The following CNTNAP2 variants were observed in gnomAD, a reference collection of about 807,000 sequenced individuals.
The protein encoded by CNTNAP2 is contactin associated protein 2.
CNTNAP2 carries 98 observed loss-of-function variants against 155.2 expected under a neutral mutation model. The observed-to-expected ratio is 0.63, with a 90% confidence interval of 0.54 to 0.75. The LOEUF (loss-of-function observed/expected upper bound fraction) is 0.75. CNTNAP2 is among the 30% of genes least tolerant of loss of function. The pLI is 0.00. For missense variants in CNTNAP2, 1,727 were observed against 1,688.1 expected (o/e 1.02, Z -0.40); for synonymous variants, 651 against 631.2 (o/e 1.03, Z -0.47).
chr7:147,126,998 A>G (rs1455991728), intron 6 of CNTNAP2, among the ~76,000 whole-genome samples: 1 of 152,162 alleles, frequency 6.6e-6, no homozygotes, highest in Non-Finnish European at 1.5e-5. Context: ...GAAAGGTCCG[A>G]ATTAAAGAAA....
intron 18 of CNTNAP2, among the ~76,000 whole-genome samples, chr7:148,201,270 G>A (rs1202905096): frequency 1.3e-5 from 2 of 152,182 alleles, no homozygotes; most frequent in Admixed American, 1.3e-4. Context: ...TCTTTGCTAG[G>A]AAGGCAAGAG....
At chr7:147,931,307 A>G (rs1182845973) in intron 14 of CNTNAP2, among the ~76,000 whole-genome samples, 1 of 151,832 alleles carries the variant, frequency 6.6e-6, no homozygotes. Flanking sequence ...AAATAAAATA[A>G]AAAATGGAAA....
At chr7:147,056,648 AG>A (rs1386142159) in intron 4 of CNTNAP2, among the ~76,000 whole-genome samples, 1 of 152,220 alleles carries the variant, frequency 6.6e-6, no homozygotes, top group African/African-American at 2.4e-5. Context: ...AACGAACAAA[AG>A]CAAGGTTAGT....
chr7:147,888,544 G>C (rs1482093627), intron 13 of CNTNAP2, among the ~76,000 whole-genome samples: 2 of 151,736 alleles, frequency 1.3e-5, no homozygotes, highest in Admixed American at 6.6e-5. Flanking sequence ...GGTGAATGAT[G>C]GCTAAAAATT....
intron 18 of CNTNAP2, among the ~76,000 whole-genome samples, chr7:148,188,168 G>T (rs575474908): frequency 3.3e-4 from 50 of 152,342 alleles, no homozygotes; most frequent in African/African-American, 1.1e-3. Flanking sequence ...CACCCAAAAT[G>T]ATTTCCTTTG....
At chr7:146,430,792 A>G (rs1796162692) in intron 1 of CNTNAP2, among the ~76,000 whole-genome samples, 1 of 152,090 alleles carries the variant, frequency 6.6e-6, no homozygotes, top group South Asian at 2.1e-4. Flanking sequence ...GTGTGTATAA[A>G]TCAATGATTA....
chr7:146,957,836 G>C (rs1029520312), intron 3 of CNTNAP2, among the ~76,000 whole-genome samples: 2 of 152,084 alleles, frequency 1.3e-5, no homozygotes, highest in African/African-American at 4.8e-5. Flanking sequence ...GGATTTATAT[G>C]GGTGTACATA....
chr7:146,220,967 T>G (rs1455504444), intron 1 of CNTNAP2, among the ~76,000 whole-genome samples: 1 of 152,236 alleles, frequency 6.6e-6, no homozygotes, highest in Non-Finnish European at 1.5e-5. Context: ...CAAAGTTTGA[T>G]TATACATTGT....
chr7:146,144,791 A>G (rs961621751), intron 1 of CNTNAP2, among the ~76,000 whole-genome samples: 1 of 152,074 alleles, frequency 6.6e-6, no homozygotes, highest in East Asian at 1.9e-4. Context: ...TGTACAACTA[A>G]TTTTTTCTTT....
intron 4 of CNTNAP2, among the ~76,000 whole-genome samples, chr7:147,098,884 G>C (rs1584841692): frequency 6.6e-6 from 1 of 152,210 alleles, no homozygotes; most frequent in Non-Finnish European, 1.5e-5. Flanking sequence ...GAGCATTGAA[G>C]TTATTTTATT....
At chr7:146,685,646 G>A (rs1040058338) in intron 1 of CNTNAP2, among the ~76,000 whole-genome samples, 9 of 152,098 alleles carry the variant, frequency 5.9e-5, no homozygotes, top group Middle Eastern at 3.4e-3. Context: ...ACAAGCCTAC[G>A]TAGTAATAAC....
intron 13 of CNTNAP2, among the ~76,000 whole-genome samples, chr7:147,772,778 C>T (rs1291219251): frequency 2.6e-5 from 4 of 151,988 alleles, no homozygotes; most frequent in African/African-American, 4.8e-5. Context: ...CTTCACATTG[C>T]CTTTAGAGAC....
At chr7:148,149,800 C>A (rs1478863463) in intron 17 of CNTNAP2, among the ~76,000 whole-genome samples, 4 of 152,090 alleles carry the variant, frequency 2.6e-5, no homozygotes, top group Non-Finnish European at 5.9e-5. Flanking sequence ...GATCCACCCA[C>A]CTCAGCCTCC....
chr7:146,683,745 G>A (rs1392116150), intron 1 of CNTNAP2, among the ~76,000 whole-genome samples: 1 of 152,126 alleles, frequency 6.6e-6, no homozygotes, highest in African/African-American at 2.4e-5. Flanking sequence ...CTCCTATTAA[G>A]ATATTAAGCC....
At chr7:146,846,570 T>C (rs1803846286) in intron 3 of CNTNAP2, among the ~76,000 whole-genome samples, 1 of 152,184 alleles carries the variant, frequency 6.6e-6, no homozygotes, top group Non-Finnish European at 1.5e-5. Flanking sequence ...GTAATGCATC[T>C]ACTAGTGAAT....
chr7:148,351,309 C>T (rs6947130), intron 21 of CNTNAP2, among the ~76,000 whole-genome samples: 95,261 of 151,754 alleles, frequency 0.63, 30,382 homozygotes, highest in East Asian at 0.95. Flanking sequence ...CTCAAGGACA[C>T]GGCACTTAAG....
chr7:147,644,894 ATATT>A (rs1795341546), intron 13 of CNTNAP2, among the ~76,000 whole-genome samples: 1 of 152,016 alleles, frequency 6.6e-6, no homozygotes, highest in South Asian at 2.1e-4. Context: ...CCTTACATAT[ATATT>A]TATTTAATTG....
intron 4 of CNTNAP2, among the ~76,000 whole-genome samples, chr7:147,046,871 T>C (rs922909987): frequency 2.0e-5 from 3 of 151,462 alleles, no homozygotes; most frequent in Non-Finnish European, 4.4e-5. Context: ...CTACTAAAAA[T>C]ACAAAACAAA....
At chr7:146,968,043 C>T (rs1457891362) in intron 3 of CNTNAP2, among the ~76,000 whole-genome samples, 9 of 146,442 alleles carry the variant, frequency 6.1e-5, no homozygotes, top group African/African-American at 2.0e-4. Flanking sequence ...TTGTCAAAGG[C>T]CTTTTCTGCA....
Sources: allele counts gnomAD v4.1 joint callset (sites outside exome capture counted in the v4.1 genomes callset), GRCh38; gene constraint gnomAD v4.1.1; transcripts MANE v1.5; gene names NCBI Gene and HGNC (gene_info 2026-07-23, HGNC 2026-07-21).